The following CDKAL1 variants were observed in gnomAD, a reference collection of about 807,000 sequenced individuals.
The protein encoded by CDKAL1 is threonylcarbamoyladenosine tRNA methylthiotransferase.
CDKAL1 carries 32 observed loss-of-function variants against 68.2 expected under a neutral mutation model. That is an observed-to-expected ratio of 0.47 (90% CI 0.35 to 0.63). The LOEUF is 0.63. Among genes scored for constraint, CDKAL1 ranks in the 30% least tolerant of loss-of-function variants. The probability of loss-of-function intolerance (pLI) is 0.00; values close to 1 mark genes in which losing one functional copy is unlikely to be tolerated. For synonymous variants in CDKAL1, 234 were observed against 244.3 expected, an observed-to-expected ratio of 0.96 and a Z score of 0.39; for missense variants, 606 against 696.7, an observed-to-expected ratio of 0.87 and a Z score of 1.47.
chr6:21,166,161 T>G (rs1777141774), intron 13 of CDKAL1, among the ~76,000 whole-genome samples: 2 of 152,016 alleles, frequency 1.3e-5, no homozygotes, highest in Non-Finnish European at 2.9e-5. Context: ...GATAATTAAA[T>G]TGGGAAGAAA....
In CDKAL1 at chr6:20,853,388, A is replaced by AAC. The variant is rs1554130941; in HGVS notation, c.742+7211_742+7212insCA. Among the ~76,000 whole-genome samples the AAC allele has an allele frequency of 5.8e-4, 16 of 27,486 alleles. 2 individuals carry two copies. The highest frequency in any genetic ancestry group is 1.3e-3 in the East Asian group (1 of 766). 18.0% of individuals were successfully genotyped at this position (27,486 alleles called of 152,430 possible). A position where few individuals can be genotyped will look rare whatever the true frequency, so the allele number is the denominator to read the frequency against. On this transcript the variant is annotated intron_variant, in intron 9 of 15. Transcript: ENST00000274695. ...AGAGGGGATTTCGTCTCAAAAAACAAAACAAAAAAAAAACAAAAAAAAAAA... is the reference window on the plus strand; with the variant it reads ...AGAGGGGATTTCGTCTCAAAAAACAAACAACAAAAAAAAAACAAAAAAAAAAA...
intron 4 of CDKAL1, among the ~76,000 whole-genome samples, chr6:20,560,254 T>A (rs957606023): frequency 1.3e-5 from 2 of 152,258 alleles, no homozygotes; most frequent in Middle Eastern, 3.2e-3. Flanking sequence ...ATTGATTTTT[T>A]AAAAAACTTT....
Position 20,938,013 on chromosome 6 carries a change from T to C in CDKAL1, c.743-17406T>C, listed in dbSNP as rs1446415360. On this transcript the variant is annotated intron_variant, in intron 9 of 15. Transcript: ENST00000274695. The stretch of plus-strand genomic sequence containing the variant: ...TGTGGTGTTTGCCAGATGTTGATTT[T>C]CCTATCTTACCTTTTACATTCAGTA... 2.0e-5 allele frequency among the ~76,000 whole-genome samples: 3 copies of C among 152,206 alleles called. No homozygotes were observed. The East Asian group carries it at 5.8e-4, about 29-fold the overall frequency.
rs9366376 is a variant in CDKAL1 at position 21,081,419 on chromosome 6, A to T, written c.1236+16191A>T. ...AGTTTCAGAAAAACTGCAAGGATCT[A>T]TATAATAATTCTTTTATGCCTTTTA... On this transcript the variant is annotated intron_variant, in intron 12 of 15. Coordinates refer to ENST00000274695, the MANE Select transcript of CDKAL1 (RefSeq NM_017774.3). 9.1e-4 allele frequency among the ~76,000 whole-genome samples: 138 copies of T among 152,140 alleles called. 1 individual carries two copies. Among genetic ancestry groups the T allele is most frequent in the African/African-American group, 3.2e-3 (132 of 41,510 alleles).
intron 10 of CDKAL1, among the ~76,000 whole-genome samples, chr6:20,969,346 A>G (rs1053036283): frequency 1.3e-5 from 2 of 152,194 alleles, no homozygotes; most frequent in Admixed American, 6.5e-5. Context: ...ATAAGAAGAG[A>G]AAATATATTT....
At chr6:21,107,344 G>T (rs1001037166) in intron 12 of CDKAL1, among the ~76,000 whole-genome samples, 1 of 152,214 alleles carries the variant, frequency 6.6e-6, no homozygotes, top group African/African-American at 2.4e-5. Context: ...ATGGAGAGGG[G>T]ACTCATGTAA....
In CDKAL1 at chr6:20,778,831, C is replaced by T. The variant is rs186759130; in HGVS notation, c.518-2314C>T. Among the ~76,000 whole-genome samples, 382 of 151,988 alleles carry T rather than the reference C, an allele frequency of 2.5e-3. 2 individuals carry two copies. In the Middle Eastern group the frequency reaches 0.037, roughly 15 times the overall value. On this transcript the variant is annotated intron_variant, in intron 7 of 15. Coordinates refer to ENST00000274695, the MANE Select transcript of CDKAL1 (RefSeq NM_017774.3). ...AAATTGAGACTTTTATTTAATTGGA[C>T]GAGGCTCATCCATACTGGGAAAACA... is the stretch of plus-strand genomic sequence containing the variant.
chr6:20,838,097 A>G (rs1778030323), intron 8 of CDKAL1, among the ~76,000 whole-genome samples: 1 of 151,956 alleles, frequency 6.6e-6, no homozygotes, highest in South Asian at 2.1e-4. Context: ...TACTTTACAT[A>G]ATTTTAAAAC....
chr6:21,041,919 CAG>C (rs1259808991), intron 11 of CDKAL1, among the ~76,000 whole-genome samples: 1 of 152,046 alleles, frequency 6.6e-6, no homozygotes, highest in Non-Finnish European at 1.5e-5. Flanking sequence ...TAGCTATTTA[CAG>C]AGATTCTGTT....
chr6:20,747,294 T>C (rs1306701717), intron 6 of CDKAL1, among the ~76,000 whole-genome samples: 2 of 152,230 alleles, frequency 1.3e-5, no homozygotes, highest in Admixed American at 6.5e-5. Flanking sequence ...TAATGCTGCA[T>C]TGAACTTGAG....
At chr6:21,182,909 T>C (rs1475922619) in intron 13 of CDKAL1, among the ~76,000 whole-genome samples, 1 of 152,162 alleles carries the variant, frequency 6.6e-6, no homozygotes, top group African/African-American at 2.4e-5. Context: ...ATCTCTAGGT[T>C]TTGATCACAT....
At chr6:21,137,911 GAAC>G (rs1775694990) in intron 13 of CDKAL1, among the ~76,000 whole-genome samples, 1 of 152,164 alleles carries the variant, frequency 6.6e-6, no homozygotes, top group African/African-American at 2.4e-5. Context: ...AACATTTCTA[GAAC>G]AACGCTCTGT....
intron 13 of CDKAL1, among the ~76,000 whole-genome samples, chr6:21,127,617 G>T (rs927142457): frequency 6.6e-6 from 1 of 152,096 alleles, no homozygotes; most frequent in African/African-American, 2.4e-5. Context: ...GGGTGTCCTG[G>T]TGGGTGCCTG....
intron 11 of CDKAL1, among the ~76,000 whole-genome samples, chr6:21,041,627 A>T (rs113848225): frequency 0.013 from 1,356 of 107,808 alleles, 15 homozygotes; most frequent in Middle Eastern, 0.03. Context: ...GGTATTCTGG[A>T]TTATTTTCTT....
At chr6:20,766,611 G>GTATT (rs1227630930) in intron 7 of CDKAL1, among the ~76,000 whole-genome samples, 2 of 152,112 alleles carry the variant, frequency 1.3e-5, no homozygotes, top group Admixed American at 1.3e-4. Flanking sequence ...ATTTCATGAA[G>GTATT]GTGAGACTAC....
chr6:20,926,902 T>C (rs1763213355), intron 9 of CDKAL1, among the ~76,000 whole-genome samples: 1 of 148,190 alleles, frequency 6.7e-6, no homozygotes, highest in Non-Finnish European at 1.5e-5. Context: ...TATATATGTT[T>C]ATGTATATTT....
intron 11 of CDKAL1, among the ~76,000 whole-genome samples, chr6:21,064,481 A>C (rs992002384): frequency 6.6e-6 from 1 of 152,318 alleles, no homozygotes; most frequent in Middle Eastern, 3.4e-3. Flanking sequence ...GCCCTAATGG[A>C]GTCTGGAAAA....
At chr6:21,023,757 G>A (rs1768808182) in intron 11 of CDKAL1, among the ~76,000 whole-genome samples, 1 of 152,066 alleles carries the variant, frequency 6.6e-6, no homozygotes, top group African/African-American at 2.4e-5. Flanking sequence ...CTTTCACTGA[G>A]AATAGAAACA....
rs761695034 is a variant in CDKAL1 at position 20,703,077 on chromosome 6, T to C, written c.372-36442T>C. Among the ~76,000 whole-genome samples, 37 of 152,210 alleles carry C rather than the reference T, an allele frequency of 2.4e-4. 1 individual carries two copies. The highest frequency in any genetic ancestry group is 2.9e-5 in the Non-Finnish European group (2 of 68,046). On this transcript the variant is annotated intron_variant, in intron 5 of 15. Transcript: ENST00000274695. The stretch of plus-strand genomic sequence containing the variant: ...TCCATTAGAATATGTGTTGCAAATA[T>C]AGTGAAACTTAAAAACAAAACCTCC...
Sources: allele counts gnomAD v4.1 joint callset (sites outside exome capture counted in the v4.1 genomes callset), GRCh38; gene constraint gnomAD v4.1.1; transcripts MANE v1.5; gene names NCBI Gene and HGNC (gene_info 2026-07-23, HGNC 2026-07-21).